The following GOLM1 variants were observed in gnomAD, a reference collection of about 807,000 sequenced individuals.
The protein encoded by GOLM1 is epididymis luminal protein 46.
Under a neutral mutation model 50.5 loss-of-function variants are expected in GOLM1, and 31 were observed. The observed-to-expected ratio is 0.61, with a 90% CI of 0.46 to 0.83. The LOEUF is 0.83. Among genes scored for constraint, GOLM1 ranks in the 40% least tolerant of loss-of-function variants. The pLI, the probability that GOLM1 is intolerant of heterozygous loss-of-function variation, is 0.00. For missense variants in GOLM1, 491 were observed against 501.3 expected, an observed-to-expected ratio of 0.98 and a Z score of 0.20; for synonymous variants, 178 against 192.8, an observed-to-expected ratio of 0.92 and a Z score of 0.64.
At chr9:86,056,863 C>T (rs1407170105) in intron 3 of GOLM1, among the ~76,000 whole-genome samples, 2 of 151,954 alleles carry the variant, frequency 1.3e-5, no homozygotes, top group South Asian at 4.1e-4. Flanking sequence ...TGCAGTGGCG[C>T]TATCATAGCT....
chr9:86,070,433 G>A (rs1834415855), intron 3 of GOLM1, among the ~76,000 whole-genome samples: 2 of 151,964 alleles, frequency 1.3e-5, no homozygotes, highest in African/African-American at 4.8e-5. Flanking sequence ...TTAGCCGGGT[G>A]TGGTGGCACG....
chr9:86,041,415 T>A (rs1433918898), intron 5 of GOLM1, among the ~76,000 whole-genome samples: 1 of 152,164 alleles, frequency 6.6e-6, no homozygotes, highest in Non-Finnish European at 1.5e-5. Context: ...AGTTCAACCC[T>A]GTGGCCGATG....
Position 86,058,693 on chromosome 9 carries a change from CT to C in GOLM1, c.310-6103del, listed in dbSNP as rs1271502459. Among the ~76,000 whole-genome samples, 467 of 80,514 alleles carry C rather than the reference CT, an allele frequency of 5.8e-3. 5 individuals are homozygous for C. The highest frequency in any genetic ancestry group is 0.034 in the African/African-American group (443 of 13,186). 52.8% of individuals were successfully genotyped at this position (80,514 alleles called of 152,430 possible). On this transcript the variant is annotated intron_variant, in intron 3 of 9. Coordinates refer to ENST00000388712, the MANE Select transcript of GOLM1 (RefSeq NM_016548.4). ...ACTGGGCAACAGAGCAAGACTCTGT[CT>C]CAAAAAAAAAAAAAAAAATAGCCAG...
In GOLM1 at chr9:86,026,629, A is replaced by AAGTC; in HGVS notation, c.*1184_*1187dup. The AAGTC allele has an allele frequency of 1.0e-6, 1 of 984,600 alleles. No homozygotes were observed. The highest frequency in any genetic ancestry group is 1.2e-6 in the Non-Finnish European group (1 of 829,204). 61.0% of individuals were successfully genotyped at this position (984,600 alleles called of 1,614,324 possible). On this transcript the variant is annotated 3_prime_UTR_variant, in exon 10 of 10. Transcript: ENST00000388712. The stretch of plus-strand genomic sequence containing the variant: ...TTACCCCTTAGAGAGCCTTACTGGG[A>AAGTC]AGTCAGTCATTAATGATGTGGCCAG...
chr9:86,067,777 C>T (rs938927546), intron 3 of GOLM1, among the ~76,000 whole-genome samples: 9 of 152,146 alleles, frequency 5.9e-5, no homozygotes, highest in East Asian at 3.9e-4. Context: ...CCGAGGCGGG[C>T]GGATCACCTG....
intron 1 of GOLM1, among the ~76,000 whole-genome samples, chr9:86,084,112 T>G (rs1292917421): frequency 6.6e-6 from 1 of 152,208 alleles, no homozygotes; most frequent in African/African-American, 2.4e-5. Flanking sequence ...AACAGCAAGC[T>G]TACTGTTGTG....
intron 3 of GOLM1, among the ~76,000 whole-genome samples, chr9:86,071,350 A>C (rs1049780617): frequency 1.3e-5 from 2 of 152,060 alleles, no homozygotes; most frequent in African/African-American, 4.8e-5. Context: ...CTCCCGCCTT[A>C]GCCTCCCAAA....
chr9:86,031,953 C>T (rs1279930285), intron 9 of GOLM1, among the ~76,000 whole-genome samples: 4 of 138,506 alleles, frequency 2.9e-5, no homozygotes, highest in South Asian at 2.3e-4. Flanking sequence ...AAAAAAAAGA[C>T]GCCAGACATG....
intron 8 of GOLM1, chr9:86,034,955 A>C: frequency 1.1e-6 from 1 of 950,408 alleles, no homozygotes; most frequent in Non-Finnish European, 1.3e-6. Context: ...ACCTTCATCT[A>C]CCCAATATTC....
intron 3 of GOLM1, among the ~76,000 whole-genome samples, chr9:86,060,900 AAAAAAAAAAAAAAAG>A (rs1422154681): frequency 0.08 from 7,799 of 97,702 alleles, 666 homozygotes; most frequent in African/African-American, 0.19. Context: ...AAAAAAAAAA[AAAAAAAAAAAAAAAG>A]AAGAAGAAGA....
intron 3 of GOLM1, 52 bp downstream of exon 3, chr9:86,077,360 T>G: frequency 7.0e-7 from 1 of 1,419,484 alleles, no homozygotes; most frequent in Non-Finnish European, 1.0e-6. Flanking sequence ...AAACAGACAA[T>G]GTAGACACCA....
chr9:86,056,506 T>A (rs75994660), intron 3 of GOLM1, among the ~76,000 whole-genome samples: 4,242 of 26,148 alleles, frequency 0.16, 163 homozygotes, highest in African/African-American at 0.42. Context: ...TTATTTAAAT[T>A]TTTTTTTTTT....
intron 2 of GOLM1, among the ~76,000 whole-genome samples, chr9:86,078,839 T>G (rs113292558): frequency 2.0e-5 from 3 of 152,336 alleles, no homozygotes; most frequent in African/African-American, 7.2e-5. Flanking sequence ...CTTCGATATC[T>G]TGGGCGCCGG....
At chr9:86,087,112 T>C (rs1834999482) in intron 1 of GOLM1, among the ~76,000 whole-genome samples, 1 of 152,226 alleles carries the variant, frequency 6.6e-6, no homozygotes, top group African/African-American at 2.4e-5. Context: ...TTTGTTCGTG[T>C]CCTCTCTTAC....
At position 86,026,873 on chromosome 9, in the gene GOLM1, CCTAATTT is replaced by C. The variant is rs1465065506; in HGVS notation, c.*937_*943del. On this transcript the variant is annotated 3_prime_UTR_variant, in exon 10 of 10. Coordinates refer to ENST00000388712, the MANE Select transcript of GOLM1 (RefSeq NM_016548.4). ...TTGTATTCCTGTTTTTCTAAACAGT[CCTAATTT>C]CTAACACTGTATATATCCTTCGACA... 1.0e-6 allele frequency: 1 copy of C among 983,544 alleles called. No homozygotes were observed. The highest frequency in any genetic ancestry group is 1.7e-5 in the African/African-American group (1 of 57,176). The allele number at this position is 983,544 out of a possible 1,614,324, so 60.9% of individuals were successfully genotyped here. A position where few individuals can be genotyped will look rare whatever the true frequency, so the allele number is the denominator to read the frequency against.
At position 86,035,883 on chromosome 9, in the gene GOLM1, CAAAAAAAA is replaced by C. The variant is rs1352651455; in HGVS notation, c.758-266_758-259del. 2.6e-4 allele frequency among the ~76,000 whole-genome samples: 26 copies of C among 99,444 alleles called. 2 individuals carry two copies. Among genetic ancestry groups the C allele is most frequent in the African/African-American group, 1.1e-3 (25 of 23,352 alleles). The allele number at this position is 99,444 out of a possible 152,430, so 65.2% of individuals were successfully genotyped here. ...TAGCTTACCAAAAAAAAAAACAAAACAAAAAAAAAAAAACACCTGGACTAAATTACCTT... is the reference window on the plus strand; with the variant it reads ...TAGCTTACCAAAAAAAAAAACAAAACAAAAACACCTGGACTAAATTACCTT... On this transcript the variant is annotated intron_variant, in intron 7 of 9. Coordinates refer to ENST00000388712, the MANE Select transcript of GOLM1 (RefSeq NM_016548.4).
At chr9:86,033,476 G>T (rs980816343) in intron 8 of GOLM1, 81 bp from the exon 9 acceptor site, 32 of 842,862 alleles carry the variant, frequency 3.8e-5, no homozygotes, top group Non-Finnish European at 4.0e-6. Flanking sequence ...AGTGCTGGGG[G>T]TTAGCCATAC....
chr9:86,050,581 T>A (rs1833713719), intron 4 of GOLM1, among the ~76,000 whole-genome samples: 1 of 152,220 alleles, frequency 6.6e-6, no homozygotes, highest in African/African-American at 2.4e-5. Flanking sequence ...TCTTCCTGGT[T>A]TAGTCTTGGG....
chr9:86,078,393 G>T (rs1370239696), intron 2 of GOLM1, among the ~76,000 whole-genome samples: 3 of 152,172 alleles, frequency 2.0e-5, no homozygotes, highest in Admixed American at 2.0e-4. Context: ...AGCACAGTGC[G>T]GGGAGTCAGT....
Sources: allele counts gnomAD v4.1 joint callset (sites outside exome capture counted in the v4.1 genomes callset), GRCh38; gene constraint gnomAD v4.1.1; transcripts MANE v1.5; gene names NCBI Gene and HGNC (gene_info 2026-07-23, HGNC 2026-07-21).